PTPRK: variants seen among roughly 807,000 people sequenced by gnomAD.
PTPRK encodes receptor-type tyrosine-protein phosphatase kappa.
A neutral mutation model predicts 178.0 loss-of-function variants in PTPRK; 75 were observed. That is an observed-to-expected ratio of 0.42 (90% CI 0.35 to 0.51). PTPRK has a LOEUF of 0.51. PTPRK is among the 20% of genes least tolerant of loss of function. The pLI is 0.02. For missense variants in PTPRK, 1,441 were observed against 1,797.8 expected, an observed-to-expected ratio of 0.80 and a Z score of 3.59; for synonymous variants, 637 against 620.6, an observed-to-expected ratio of 1.03 and a Z score of -0.39.
At chr6:128,038,257 T>C (rs1252642705) in intron 13 of PTPRK, among the ~76,000 whole-genome samples, 1 of 152,190 alleles carries the variant, frequency 6.6e-6, no homozygotes, top group East Asian at 1.9e-4. Context: ...TTTATGATTG[T>C]GATGACATTT....
At chr6:128,457,490 C>T (rs921399566) in intron 1 of PTPRK, among the ~76,000 whole-genome samples, 2 of 152,084 alleles carry the variant, frequency 1.3e-5, no homozygotes, top group African/African-American at 4.8e-5. Context: ...TAAAAATATT[C>T]CCCTTGTGAA....
At chr6:128,164,895 C>A (rs144805741) in intron 7 of PTPRK, among the ~76,000 whole-genome samples, 51 of 151,150 alleles carry the variant, frequency 3.4e-4, no homozygotes, top group African/African-American at 1.1e-3. Context: ...AAAATATTTT[C>A]CACATTTTCA....
At chr6:128,128,438 T>G (rs1244138239) in intron 7 of PTPRK, among the ~76,000 whole-genome samples, 1 of 152,220 alleles carries the variant, frequency 6.6e-6, no homozygotes, top group African/African-American at 2.4e-5. Flanking sequence ...CTATCCAAAT[T>G]GCCCTTCAAA....
chr6:128,270,965 A>G (rs1392702949), intron 3 of PTPRK, among the ~76,000 whole-genome samples: 28 of 152,074 alleles, frequency 1.8e-4, no homozygotes, highest in African/African-American at 2.4e-5. Flanking sequence ...AAAAAATCTT[A>G]AAAAGCTATG....
In PTPRK at chr6:128,177,031, T is replaced by C. The variant is rs545144291; in HGVS notation, c.1162+7401A>G. 3.3e-5 allele frequency among the ~76,000 whole-genome samples: 5 copies of C among 151,726 alleles called. No individual in the cohort carries two copies. The South Asian group carries it at 1.0e-3, about 32-fold the overall frequency. On this transcript the variant is annotated intron_variant, in intron 7 of 29. Transcript: ENST00000368226. Reference sequence around the variant, plus strand: ...AAAAGATATGAATAGGGTGTGAGAATTGAAGACAGAAGTAAATTCTCTAGG... The same window carrying C: ...AAAAGATATGAATAGGGTGTGAGAACTGAAGACAGAAGTAAATTCTCTAGG...
At chr6:128,313,310 C>T (rs1027456176) in intron 3 of PTPRK, among the ~76,000 whole-genome samples, 1 of 152,038 alleles carries the variant, frequency 6.6e-6, no homozygotes, top group African/African-American at 2.4e-5. Flanking sequence ...ATATAAAGCA[C>T]CTAATTGTTA....
intron 6 of PTPRK, among the ~76,000 whole-genome samples, chr6:128,216,308 G>A (rs1330707130): frequency 6.6e-6 from 1 of 151,952 alleles, no homozygotes; most frequent in Non-Finnish European, 1.5e-5. Context: ...AGGCTGAGAC[G>A]GATGGATCAC....
intron 3 of PTPRK, among the ~76,000 whole-genome samples, chr6:128,317,606 T>C (rs1035421149): frequency 2.6e-5 from 4 of 152,154 alleles, no homozygotes; most frequent in Non-Finnish European, 5.9e-5. Context: ...CACAGGAGAA[T>C]AGTCATCTAA....
At chr6:128,327,452 C>T (rs1355982646) in intron 2 of PTPRK, among the ~76,000 whole-genome samples, 1 of 152,150 alleles carries the variant, frequency 6.6e-6, no homozygotes, top group Non-Finnish European at 1.5e-5. Context: ...AGTAACTGGT[C>T]ATTTTACCTC....
chr6:128,108,961 C>T (rs180734088), intron 7 of PTPRK, among the ~76,000 whole-genome samples: 2 of 152,052 alleles, frequency 1.3e-5, no homozygotes, highest in Admixed American at 1.3e-4. Context: ...AATTGTTTCC[C>T]CAAACTCTGA....
intron 1 of PTPRK, among the ~76,000 whole-genome samples, chr6:128,518,238 G>A (rs1334671227): frequency 1.3e-5 from 2 of 152,096 alleles, no homozygotes; most frequent in African/African-American, 4.8e-5. Flanking sequence ...CATGTCAAAT[G>A]TTATGCTTTG....
intron 27 of PTPRK, 104 bp downstream of exon 27, chr6:127,976,553 T>C (rs1774623546): frequency 7.4e-7 from 1 of 1,349,144 alleles, no homozygotes; most frequent in Non-Finnish European, 1.0e-6. Flanking sequence ...GATGATATAG[T>C]GCTTATTAAT....
At chr6:128,014,262 C>G (rs1779356658) in intron 13 of PTPRK, among the ~76,000 whole-genome samples, 1 of 151,544 alleles carries the variant, frequency 6.6e-6, no homozygotes, top group Non-Finnish European at 1.5e-5. Context: ...TTGTTACATT[C>G]CTTTATAGAG....
At chr6:128,060,380 T>C (rs1780606269) in intron 13 of PTPRK, among the ~76,000 whole-genome samples, 1 of 152,180 alleles carries the variant, frequency 6.6e-6, no homozygotes, top group African/African-American at 2.4e-5. Context: ...CTTAGTTATG[T>C]CCATCCTTAA....
intron 1 of PTPRK, among the ~76,000 whole-genome samples, chr6:128,406,089 T>G (rs1210587813): frequency 6.6e-6 from 1 of 151,522 alleles, no homozygotes; most frequent in Non-Finnish European, 1.5e-5. Context: ...AGAACCCACC[T>G]CTACAAAAAA....
At chr6:128,408,239 A>G (rs1244166784) in intron 1 of PTPRK, among the ~76,000 whole-genome samples, 1 of 151,898 alleles carries the variant, frequency 6.6e-6, no homozygotes, top group East Asian at 1.9e-4. Context: ...AATACAAGAA[A>G]TAGTTGGGCG....
At chr6:128,356,448 T>C (rs971695552) in intron 2 of PTPRK, among the ~76,000 whole-genome samples, 1 of 152,178 alleles carries the variant, frequency 6.6e-6, no homozygotes, top group African/African-American at 2.4e-5. Context: ...ATGAATCTAT[T>C]AGGCATTTTT....
intron 7 of PTPRK, among the ~76,000 whole-genome samples, chr6:128,134,134 A>T (rs1244940271): frequency 6.6e-6 from 1 of 152,186 alleles, no homozygotes; most frequent in Non-Finnish European, 1.5e-5. Flanking sequence ...GGAAGGATAT[A>T]TTTCCATTTC....
At chr6:128,022,502 C>T (rs1014164818) in intron 13 of PTPRK, among the ~76,000 whole-genome samples, 9 of 152,282 alleles carry the variant, frequency 5.9e-5, no homozygotes, top group South Asian at 2.1e-4. Context: ...CCAAGTGGTT[C>T]ACATATTCCA....
Sources: allele counts gnomAD v4.1 joint callset (sites outside exome capture counted in the v4.1 genomes callset), GRCh38; gene constraint gnomAD v4.1.1; transcripts MANE v1.5; gene names NCBI Gene and HGNC (gene_info 2026-07-23, HGNC 2026-07-21).